The following CTNNA2 variants were observed in gnomAD, a reference collection of about 807,000 sequenced individuals.
The protein encoded by CTNNA2 is catenin alpha 2, also known as catenin alpha-2.
CTNNA2 carries 42 observed loss-of-function variants against 101.0 expected under a neutral mutation model. The observed-to-expected ratio is 0.42, with a 90% CI of 0.32 to 0.54. The LOEUF is 0.54. Among genes scored for constraint, CTNNA2 ranks in the 20% least tolerant of loss-of-function variants. CTNNA2 has a pLI of 0.14. For synonymous variants in CTNNA2, 450 were observed against 456.4 expected (o/e 0.99, Z 0.18); for missense variants, 871 against 1,223.1 (o/e 0.71, Z 4.29).
At chr2:79,381,178 A>T (rs1678035071) in intron 4 of CTNNA2, among the ~76,000 whole-genome samples, 1 of 152,202 alleles carries the variant, frequency 6.6e-6, no homozygotes. Flanking sequence ...TCACAAGCGT[A>T]TTTAAAAAGG....
intron 3 of CTNNA2, among the ~76,000 whole-genome samples, chr2:79,360,742 C>A (rs1677609211): frequency 6.6e-6 from 1 of 152,114 alleles, no homozygotes; most frequent in African/African-American, 2.4e-5. Flanking sequence ...CAAATTAAGT[C>A]AAGATGTATC....
intron 9 of CTNNA2, among the ~76,000 whole-genome samples, chr2:80,512,676 T>C: frequency 2.0e-5 from 1 of 49,404 alleles, no homozygotes; most frequent in South Asian, 8.3e-4. Flanking sequence ...ATTTTTAAAT[T>C]CTTTTTTTTT....
intron 7 of CTNNA2, among the ~76,000 whole-genome samples, chr2:80,184,382 C>G: frequency 6.6e-6 from 1 of 152,022 alleles, no homozygotes; most frequent in East Asian, 1.9e-4. Context: ...TGCACCATCA[C>G]AGTGCTTAGG....
chr2:79,536,109 G>T (rs1278934777), intron 1 of CTNNA2, among the ~76,000 whole-genome samples: 4 of 152,286 alleles, frequency 2.6e-5, no homozygotes, highest in African/African-American at 7.2e-5. Flanking sequence ...GGCACTGATT[G>T]GGGTCTGCTG....
intron 3 of CTNNA2, among the ~76,000 whole-genome samples, chr2:79,779,979 A>G (rs972938258): frequency 6.6e-6 from 1 of 152,102 alleles, no homozygotes; most frequent in African/African-American, 2.4e-5. Flanking sequence ...CTGATAAGAG[A>G]CACTTACAAT....
intron 1 of CTNNA2, among the ~76,000 whole-genome samples, chr2:79,574,625 G>A (rs1675675322): frequency 6.6e-6 from 1 of 152,134 alleles, no homozygotes; most frequent in Non-Finnish European, 1.5e-5. Flanking sequence ...TCATTGGTGG[G>A]CATTTAGTTT....
At chr2:79,819,260 C>T (rs1157422998) in intron 3 of CTNNA2, among the ~76,000 whole-genome samples, 2 of 151,964 alleles carry the variant, frequency 1.3e-5, no homozygotes, top group South Asian at 2.1e-4. Flanking sequence ...ATTACAGGCA[C>T]GAGCCACCAT....
chr2:80,355,602 A>T (rs1395982499), intron 7 of CTNNA2, among the ~76,000 whole-genome samples: 1 of 152,200 alleles, frequency 6.6e-6, no homozygotes, highest in African/African-American at 2.4e-5. Context: ...TGCCAGACAC[A>T]GTCCTGGCTG....
intron 3 of CTNNA2, among the ~76,000 whole-genome samples, chr2:79,755,796 T>C (rs1368592363): frequency 6.6e-6 from 1 of 152,164 alleles, no homozygotes; most frequent in Non-Finnish European, 1.5e-5. Context: ...CATGGAAAAG[T>C]ATGCTATCTA....
At chr2:80,471,977 T>C (rs1270411786) in intron 9 of CTNNA2, among the ~76,000 whole-genome samples, 1 of 151,988 alleles carries the variant, frequency 6.6e-6, no homozygotes, top group East Asian at 1.9e-4. Flanking sequence ...AATACAAAAA[T>C]TAGCTGGGTG....
intron 3 of CTNNA2, among the ~76,000 whole-genome samples, chr2:79,807,664 G>A (rs1305076690): frequency 2.6e-5 from 4 of 152,118 alleles, no homozygotes; most frequent in African/African-American, 4.8e-5. Context: ...TACATTGAAT[G>A]AATAGCAGTT....
At chr2:79,370,991 G>C (rs1677857111) in intron 3 of CTNNA2, among the ~76,000 whole-genome samples, 1 of 152,072 alleles carries the variant, frequency 6.6e-6, no homozygotes, top group Non-Finnish European at 1.5e-5. Flanking sequence ...GCAGGACCCA[G>C]GTCATGCACT....
intron 18 of CTNNA2, among the ~76,000 whole-genome samples, chr2:80,632,364 T>G (rs1672393454): frequency 6.6e-6 from 1 of 152,018 alleles, no homozygotes; most frequent in South Asian, 2.1e-4. Context: ...CAACCAGATT[T>G]AAGGTGGAAT....
chr2:80,321,390 T>C (rs544230229), intron 7 of CTNNA2, among the ~76,000 whole-genome samples: 1 of 152,232 alleles, frequency 6.6e-6, no homozygotes, highest in South Asian at 2.1e-4. Flanking sequence ...GTCTAACTGG[T>C]AGGAACAGAA....
At chr2:80,130,747 G>T (rs1573172707) in intron 7 of CTNNA2, among the ~76,000 whole-genome samples, 1 of 151,010 alleles carries the variant, frequency 6.6e-6, no homozygotes, top group East Asian at 1.9e-4. Flanking sequence ...GTTATTTCTT[G>T]TACTCTTTTT....
chr2:80,391,063 C>G (rs1353783319), intron 7 of CTNNA2, among the ~76,000 whole-genome samples: 5 of 148,814 alleles, frequency 3.4e-5, no homozygotes, highest in Non-Finnish European at 7.4e-5. Context: ...ACCTAGGAGG[C>G]AGAGGTTGCA....
chr2:79,831,563 C>T (rs1678930845), intron 3 of CTNNA2, among the ~76,000 whole-genome samples: 1 of 152,094 alleles, frequency 6.6e-6, no homozygotes, highest in South Asian at 2.1e-4. Context: ...TACAATTTAA[C>T]TCCAAAATCA....
chr2:79,960,081 A>G (rs914118600), intron 7 of CTNNA2, among the ~76,000 whole-genome samples: 6 of 152,190 alleles, frequency 3.9e-5, no homozygotes, highest in Non-Finnish European at 8.8e-5. Context: ...GAGTAGAAGA[A>G]CTTAATTTTA....
chr2:80,601,704 T>C (rs1048966000), intron 15 of CTNNA2: 1 of 152,020 alleles, frequency 6.6e-6, no homozygotes, highest in African/African-American at 2.4e-5. Flanking sequence ...TTCTATATCT[T>C]TTTGGTTTAG....
Sources: gnomAD v4.1 joint callset for allele counts (sites outside exome capture counted in the v4.1 genomes callset) on GRCh38, gnomAD v4.1.1 for gene constraint, MANE v1.5 for transcripts, NCBI Gene and HGNC (gene_info 2026-07-23, HGNC 2026-07-21) for gene names.